SERINC5: variants seen among roughly 807,000 people sequenced by gnomAD.
SERINC5 encodes the protein chromosome 5 open reading frame 12.
A neutral mutation model predicts 63.1 loss-of-function variants in SERINC5; 41 were observed. That is an observed-to-expected ratio of 0.65 (90% CI 0.51 to 0.84). The LOEUF (loss-of-function observed/expected upper bound fraction) is 0.84. SERINC5 is among the 40% of genes least tolerant of loss of function. The probability of loss-of-function intolerance (pLI) is 0.00; values close to 1 mark genes in which losing one functional copy is unlikely to be tolerated. For missense variants in SERINC5, 523 were observed against 573.0 expected, an observed-to-expected ratio of 0.91 and a Z score of 0.89; for synonymous variants, 222 against 215.2, an observed-to-expected ratio of 1.03 and a Z score of -0.28.
At chr5:80,124,090 A>G (rs1476061901) in intron 11 of SERINC5, among the ~76,000 whole-genome samples, 1 of 152,210 alleles carries the variant, frequency 6.6e-6, no homozygotes, top group Non-Finnish European at 1.5e-5. Flanking sequence ...TGTGGCAACT[A>G]GCCTGGGAAG....
At chr5:80,221,363 C>T (rs1750897077) in intron 1 of SERINC5, among the ~76,000 whole-genome samples, 1 of 152,164 alleles carries the variant, frequency 6.6e-6, no homozygotes, top group South Asian at 2.1e-4. Flanking sequence ...CAGAAGGGTC[C>T]TTTGGTGATG....
intron 1 of SERINC5, among the ~76,000 whole-genome samples, chr5:80,224,218 T>C (rs1751062029): frequency 6.6e-6 from 1 of 151,822 alleles, no homozygotes; most frequent in Non-Finnish European, 1.5e-5. Context: ...CCCAGCACTT[T>C]GGGAGGCTGA....
chr5:80,126,343 T>G (rs1353873784), intron 11 of SERINC5, among the ~76,000 whole-genome samples: 1 of 152,224 alleles, frequency 6.6e-6, no homozygotes, highest in Non-Finnish European at 1.5e-5. Context: ...GTACTAAATT[T>G]GAAGTTCCCT....
rs70982042 is a variant in SERINC5 at position 80,230,459 on chromosome 5, A to AAAAAAG, written c.27+25436_27+25437insCTTTTT. Among the ~76,000 whole-genome samples, 23 of 128,620 alleles carry AAAAAAG rather than the reference A, an allele frequency of 1.8e-4. 1 individual carries two copies. The highest frequency in any genetic ancestry group is 5.6e-4 in the African/African-American group (18 of 32,010). The allele number at this position is 128,620 out of a possible 152,430, so 84.4% of individuals were successfully genotyped here. ...CAAGACTGTCACAAAAAAAAAAAAA[A>AAAAAAG]AAAGAAACCATTGCTCTTCAAATTT... On this transcript the variant is annotated intron_variant, in intron 1 of 11. Transcript: ENST00000507668.
chr5:80,128,721 G>A (rs571876175), intron 11 of SERINC5, among the ~76,000 whole-genome samples: 11 of 152,262 alleles, frequency 7.2e-5, no homozygotes, highest in Admixed American at 2.0e-4. Flanking sequence ...TGAGAATTAT[G>A]CCAAGCACAC....
intron 4 of SERINC5, among the ~76,000 whole-genome samples, chr5:80,176,429 G>A (rs994299134): frequency 6.6e-6 from 1 of 152,066 alleles, no homozygotes; most frequent in Non-Finnish European, 1.5e-5. Flanking sequence ...CAATCTAAAT[G>A]TTTAGTTTAG....
Position 80,202,810 on chromosome 5 carries a change from T to A in SERINC5, c.195+76A>T, listed in dbSNP as rs1007522586. 3 of 1,432,656 alleles carry A rather than the reference T, an allele frequency of 2.1e-6. No homozygotes were observed. In the East Asian group the frequency reaches 7.0e-5, roughly 34 times the overall value. The allele number at this position is 1,432,656 out of a possible 1,614,324, so 88.7% of individuals were successfully genotyped here. On this transcript the variant is annotated intron_variant, in intron 2 of 11. Coordinates refer to ENST00000507668, the MANE Select transcript of SERINC5 (RefSeq NM_001174072.3). ...AACACATGGGGGTACATGGACCCCA[T>A]CTTCTAAATCATGTTTTTCCCACAC...
chr5:80,236,342 T>C (rs560789150), intron 1 of SERINC5, among the ~76,000 whole-genome samples: 2 of 152,218 alleles, frequency 1.3e-5, no homozygotes, highest in East Asian at 3.9e-4. Context: ...GCTGAGAACA[T>C]ACCGGAACTC....
chr5:80,214,173 G>A (rs10036779), intron 1 of SERINC5, among the ~76,000 whole-genome samples: 20,491 of 152,164 alleles, frequency 0.13, 1,861 homozygotes, highest in Non-Finnish European at 0.19. Context: ...TGTATAAACT[G>A]AAAATAGTTA....
At chr5:80,203,267 T>A (rs1248726872) in intron 1 of SERINC5, 7 of 206,038 alleles carry the variant, frequency 3.4e-5, no homozygotes, top group African/African-American at 1.4e-4. Flanking sequence ...CATATATATA[T>A]ATATGTGTAT....
rs191722916 is a variant in SERINC5, at chr5:80,192,021, T to C, written c.195+10865A>G. The stretch of plus-strand genomic sequence containing the variant: ...AAATCCAGCTAGCCTCCTAGTTTTA[T>C]TGGAACATAGCCACACTGGTTGGCT... On this transcript the variant is annotated intron_variant, in intron 2 of 11. Coordinates refer to ENST00000507668, the MANE Select transcript of SERINC5 (RefSeq NM_001174072.3). Among the ~76,000 whole-genome samples, 24 of 152,338 alleles carry C rather than the reference T, an allele frequency of 1.6e-4. No individual in the cohort carries two copies. In the East Asian group the frequency reaches 3.3e-3, roughly 21 times the overall value.
chr5:80,177,190 T>C (rs1269962524), intron 4 of SERINC5, 125 bp downstream of exon 4: 2 of 666,892 alleles, frequency 3.0e-6, no homozygotes, highest in Non-Finnish European at 2.6e-6. Context: ...GTCAGGAATT[T>C]CTTTTGAAGC....
intron 11 of SERINC5, among the ~76,000 whole-genome samples, chr5:80,145,299 C>T (rs1337751307): frequency 1.3e-5 from 2 of 151,798 alleles, no homozygotes; most frequent in Non-Finnish European, 2.9e-5. Context: ...GCCGAGATTG[C>T]GCCACTGCAC....
chr5:80,192,607 C>T (rs993577499), intron 2 of SERINC5, among the ~76,000 whole-genome samples: 4 of 152,176 alleles, frequency 2.6e-5, no homozygotes, highest in African/African-American at 9.7e-5. Context: ...ACATCTGTCA[C>T]ACAAACACAC....
intron 11 of SERINC5, among the ~76,000 whole-genome samples, chr5:80,118,212 AT>A (rs1744408209): frequency 6.6e-6 from 1 of 151,726 alleles, no homozygotes; most frequent in Non-Finnish European, 1.5e-5. Context: ...CAAAAAAAAA[AT>A]AATAATAATA....
intron 2 of SERINC5, among the ~76,000 whole-genome samples, chr5:80,179,248 G>GATCGTGACA (rs1748263141): frequency 6.6e-6 from 1 of 151,986 alleles, no homozygotes; most frequent in Non-Finnish European, 1.5e-5. Flanking sequence ...GCAGCGAGCC[G>GATCGTGACA]AGATCGTGAC....
chr5:80,253,801 T>C (rs1469545255), intron 1 of SERINC5, among the ~76,000 whole-genome samples: 7 of 152,192 alleles, frequency 4.6e-5, no homozygotes, highest in Non-Finnish European at 1.0e-4. Context: ...CCTGCCCAGA[T>C]AGGCCATTGA....
At chr5:80,137,910 C>G (rs1745279930), downstream of SERINC5, among the ~76,000 whole-genome samples, 1 of 151,900 alleles carries the variant, frequency 6.6e-6, no homozygotes, top group African/African-American at 2.4e-5. Flanking sequence ...TGTACTCCAG[C>G]CTGGGTGACA....
chr5:80,143,176 T>C lies in SERINC5; in HGVS notation c.*487A>G, dbSNP rs1432814991. On this transcript the variant is annotated 3_prime_UTR_variant, in exon 12 of 12. Transcript: ENST00000507668. The stretch of plus-strand genomic sequence containing the variant: ...TGGACCCTATAAATACCAGGGGCCC[T>C]GCAGGCTGAGTCCTGTCCTCAAAGC... The C allele has an allele frequency of 3.0e-6, 3 of 986,386 alleles. No homozygotes were observed. Among genetic ancestry groups the C allele is most frequent in the African/African-American group, 1.7e-5 (1 of 57,208 alleles). 61.1% of individuals were successfully genotyped at this position (986,386 alleles called of 1,614,324 possible). A position where few individuals can be genotyped will look rare whatever the true frequency, so the allele number is the denominator to read the frequency against.
Sources: gnomAD v4.1 joint callset for allele counts (sites outside exome capture counted in the v4.1 genomes callset) on GRCh38, gnomAD v4.1.1 for gene constraint, MANE v1.5 for transcripts, NCBI Gene and HGNC (gene_info 2026-07-23, HGNC 2026-07-21) for gene names.